Variants in FAM177B observed in about 807,000 individuals in gnomAD.
FAM177B encodes the protein family with sequence similarity 177 member B.
In FAM177B, 16 loss-of-function variants were observed where a neutral mutation model predicts 16.1. The observed-to-expected ratio is 0.99, with a 90% CI of 0.67 to 1.51. FAM177B has a LOEUF of 1.51. Ranked by LOEUF, FAM177B falls within the 40% of genes most tolerant of loss-of-function variation. FAM177B has a pLI of 0.00. For missense variants in FAM177B, 178 were observed against 183.7 expected (o/e 0.97, Z 0.18); for synonymous variants, 56 against 59.9 (o/e 0.93, Z 0.30).
At chr1:222,742,482 T>G (rs1024621424) in intron 2 of FAM177B, 1 of 152,222 alleles carries the variant, frequency 6.6e-6, no homozygotes, top group African/African-American at 2.4e-5. Flanking sequence ...GAACTACTGT[T>G]TGGGAAAGCT....
chr1:222,750,079 T>G lies in FAM177B; in HGVS notation c.*21T>G. The G allele has an allele frequency of 6.2e-7, 1 of 1,606,288 alleles. No individual in the cohort carries two copies. Among genetic ancestry groups the G allele is most frequent in the Non-Finnish European group, 8.5e-7 (1 of 1,177,150 alleles). ...AGTGAAGCACCTCATCCAGGGAGGGTCTGGTGGCAGATCCTAGCTCATGAT... is the reference window on the plus strand; with the variant it reads ...AGTGAAGCACCTCATCCAGGGAGGGGCTGGTGGCAGATCCTAGCTCATGAT... On this transcript the variant is annotated 3_prime_UTR_variant, in exon 6 of 6. Transcript: ENST00000445590.
At chr1:222,739,445 A>C (rs1319956678) in intron 2 of FAM177B, among the ~76,000 whole-genome samples, 1 of 152,286 alleles carries the variant, frequency 6.6e-6, no homozygotes, top group East Asian at 1.9e-4. Context: ...GAACATTGGG[A>C]TGACCTGGGC....
chr1:222,749,599 TG>T (rs1658964112), intron 5 of FAM177B, 37 bp downstream of exon 5: 2 of 1,235,796 alleles, frequency 1.6e-6, no homozygotes, highest in Non-Finnish European at 2.3e-6. Context: ...GGGCCTGAGA[TG>T]GGAATATTGG....
In FAM177B at chr1:222,746,520, T is replaced by G. The variant is rs751109004; in HGVS notation, c.-15-11T>G. The G allele has an allele frequency of 6.5e-7, 1 of 1,543,460 alleles. No individual in the cohort carries two copies. Among genetic ancestry groups the G allele is most frequent in the Non-Finnish European group, 8.8e-7 (1 of 1,131,722 alleles). ...AACTTGCCCTAAGGTGCCCTGTTTT[T>G]AATTTTCTAGTTGTTTTGTTTCATT... On this transcript the variant is annotated splice_polypyrimidine_tract_variant and intron_variant, in intron 2 of 5. Coordinates refer to ENST00000445590, the MANE Select transcript of FAM177B (RefSeq NM_001394345.1).
intron 4 of FAM177B, chr1:222,747,323 T>A: frequency 2.2e-6 from 1 of 464,264 alleles, no homozygotes; most frequent in Non-Finnish European, 3.8e-6. Flanking sequence ...CTTCTAAAGT[T>A]CCTACTTATC....
intron 2 of FAM177B, among the ~76,000 whole-genome samples, chr1:222,744,394 T>C (rs1255607887): frequency 6.6e-6 from 1 of 150,404 alleles, no homozygotes. Context: ...ATCGCTTGAA[T>C]CTGGGAGACA....
At position 222,745,670 on chromosome 1, in the gene FAM177B, C is replaced by T. The variant is rs1658762825; in HGVS notation, c.-15-861C>T. ...CGCACAGTGGCTCATGCCTATAATC[C>T]CAGCACTTTGGAAGGCCAAGGTGGG... On this transcript the variant is annotated intron_variant, in intron 2 of 5. Transcript: ENST00000445590. Among the ~76,000 whole-genome samples, 3 of 149,786 alleles carry T rather than the reference C, an allele frequency of 2.0e-5. 1 individual carries two copies. Among genetic ancestry groups the T allele is most frequent in the South Asian group, 2.1e-4 (1 of 4,680 alleles).
At chr1:222,745,804 C>T (rs1420299024) in intron 2 of FAM177B, among the ~76,000 whole-genome samples, 1 of 152,164 alleles carries the variant, frequency 6.6e-6, no homozygotes, top group Non-Finnish European at 1.5e-5. Flanking sequence ...ATCCCAGCTA[C>T]TCAGGAGGCA....
chr1:222,747,675 C>T (rs1430248874), intron 4 of FAM177B, among the ~76,000 whole-genome samples: 1 of 152,184 alleles, frequency 6.6e-6, no homozygotes, highest in Non-Finnish European at 1.5e-5. Flanking sequence ...TTCTAACTTG[C>T]ACATCTTGTG....
intron 5 of FAM177B, 65 bp downstream of exon 5, chr1:222,749,627 C>A: frequency 3.1e-6 from 3 of 981,138 alleles, no homozygotes; most frequent in Non-Finnish European, 4.7e-6. Context: ...CAAATTTAGG[C>A]CAGTATAGAG....
chr1:222,750,164 A>C lies in FAM177B; in HGVS notation c.*106A>C. ...CTTGGCCATTGATTACCATGGCAAC[A>C]ACACCAGAGGTAGCACTTCTGAGCC... is the stretch of plus-strand genomic sequence containing the variant. On this transcript the variant is annotated 3_prime_UTR_variant, in exon 6 of 6. Transcript: ENST00000445590. 12 of 1,524,766 alleles carry C rather than the reference A, an allele frequency of 7.9e-6. No individual in the cohort carries two copies. The highest frequency in any genetic ancestry group is 1.1e-5 in the Non-Finnish European group (12 of 1,142,122). The allele number at this position is 1,524,766 out of a possible 1,614,324, so 94.5% of individuals were successfully genotyped here.
chr1:222,748,067 G>A (rs887605986), intron 4 of FAM177B, among the ~76,000 whole-genome samples: 9 of 152,176 alleles, frequency 5.9e-5, no homozygotes, highest in Non-Finnish European at 1.3e-4. Context: ...GGAATCTTTA[G>A]ATTACAGTAA....
rs369907456 is a variant in FAM177B at position 222,741,057 on chromosome 1, C to CTTTTT, written c.-16+3053_-16+3057dup. Among the ~76,000 whole-genome samples the CTTTTT allele has an allele frequency of 1.2e-3, 96 of 82,178 alleles. 2 individuals carry two copies. Among genetic ancestry groups the CTTTTT allele is most frequent in the Non-Finnish European group, 1.5e-3 (71 of 45,868 alleles). The allele number at this position is 82,178 out of a possible 152,430, so 53.9% of individuals were successfully genotyped here. On this transcript the variant is annotated intron_variant, in intron 2 of 5. Coordinates refer to ENST00000445590, the MANE Select transcript of FAM177B (RefSeq NM_001394345.1). ...TTTATTGCATCTTACTTTTTGTTTTCTTTTTTTTTTTTTTTTTTTTTGAGA... is the reference window on the plus strand; with the variant it reads ...TTTATTGCATCTTACTTTTTGTTTTCTTTTTTTTTTTTTTTTTTTTTTTTTTGAGA...
At position 222,749,957 on chromosome 1, in the gene FAM177B, G is replaced by C; in HGVS notation, c.376G>C (p.Ala126Pro). ...CAAAAGTGAAAGGAGAGGATCAAAG[G>C]CCCAGGCAGCTGAGGTTCCTAATGA... Reference protein sequence around the residue: ...DNKSERRGSKAQAAEVPNEKC... With the variant: ...DNKSERRGSKPQAAEVPNEKC... The change falls in exon 6 of 6, where the codon GCC becomes CCC. Residue 126 changes from alanine to proline, a missense_variant. By Grantham distance (27) the Ala-to-Pro change is conservative. Coordinates refer to ENST00000445590, the MANE Select transcript of FAM177B (RefSeq NM_001394345.1). 1 of 1,614,076 alleles carries C rather than the reference G, an allele frequency of 6.2e-7. No individual in the cohort carries two copies. Among genetic ancestry groups the C allele is most frequent in the Non-Finnish European group, 8.5e-7 (1 of 1,179,952 alleles).
At chr1:222,749,750 A>T (rs1201159621) in intron 5 of FAM177B, among the ~76,000 whole-genome samples, 171 bp from the exon 6 acceptor site, 1 of 152,082 alleles carries the variant, frequency 6.6e-6, no homozygotes, top group Non-Finnish European at 1.5e-5. Context: ...CATTTGCCTC[A>T]CTCCTGCGAA....
intron 2 of FAM177B, among the ~76,000 whole-genome samples, chr1:222,744,172 T>G (rs1317394776): frequency 6.6e-6 from 1 of 152,172 alleles, no homozygotes; most frequent in Non-Finnish European, 1.5e-5. Context: ...TCTTAAATCT[T>G]AATTAAAACA....
At position 222,750,176 on chromosome 1, in the gene FAM177B, A is replaced by G. The variant is rs1222259804; in HGVS notation, c.*118A>G. On this transcript the variant is annotated 3_prime_UTR_variant, in exon 6 of 6. Coordinates refer to ENST00000445590, the MANE Select transcript of FAM177B (RefSeq NM_001394345.1). ...TTACCATGGCAACAACACCAGAGGT[A>G]GCACTTCTGAGCCAGATCTGATCCT... 2.0e-6 allele frequency: 3 copies of G among 1,500,964 alleles called. No homozygotes were observed. The highest frequency in any genetic ancestry group is 2.7e-6 in the Non-Finnish European group (3 of 1,131,266). 93.0% of individuals were successfully genotyped at this position (1,500,964 alleles called of 1,614,324 possible).
At chr1:222,738,592 G>C (rs1572001298) in intron 2 of FAM177B, among the ~76,000 whole-genome samples, 1 of 132,822 alleles carries the variant, frequency 7.5e-6, no homozygotes, top group African/African-American at 2.7e-5. Flanking sequence ...GGCTGGGCGT[G>C]TGGCACGTGC....
intron 2 of FAM177B, among the ~76,000 whole-genome samples, chr1:222,744,515 T>C (rs2125062388): frequency 6.6e-6 from 1 of 151,882 alleles, no homozygotes; most frequent in South Asian, 2.1e-4. Context: ...GTACGTATCC[T>C]TACAACATTG....
Sources: gnomAD v4.1 joint callset for allele counts (sites outside exome capture counted in the v4.1 genomes callset) on GRCh38, gnomAD v4.1.1 for gene constraint, MANE v1.5 for transcripts, NCBI Gene and HGNC (gene_info 2026-07-23, HGNC 2026-07-21) for gene names.